Variants in CATSPER3 observed in about 807,000 individuals in gnomAD.
CATSPER3 encodes cation channel sperm associated 3.
A neutral mutation model predicts 36.6 loss-of-function variants in CATSPER3; 23 were observed. The observed-to-expected ratio is 0.63, with a 90% CI of 0.45 to 0.89. The LOEUF (loss-of-function observed/expected upper bound fraction) is 0.89, where lower values mean the gene tolerates loss of function less well. CATSPER3 is among the 40% of genes least tolerant of loss of function. CATSPER3 has a pLI of 0.00. For synonymous variants in CATSPER3, 172 were observed against 184.1 expected (o/e 0.93, Z 0.53); for missense variants, 474 against 503.9 (o/e 0.94, Z 0.57).
chr5:134,998,503 CCACAATGGTT>C (rs1751980300), intron 3 of CATSPER3, among the ~76,000 whole-genome samples: 4 of 152,230 alleles, frequency 2.6e-5, no homozygotes, highest in Non-Finnish European at 5.9e-5. Flanking sequence ...ACACTGTCTT[CCACAATGGTT>C]GAACTAGTTT....
At chr5:135,010,229 A>T (rs1427777868) in intron 6 of CATSPER3, 144 bp from the exon 7 acceptor site, 1 of 746,732 alleles carries the variant, frequency 1.3e-6, no homozygotes. Context: ...AGGGGTCAGG[A>T]TGAAGTTGTG....
At chr5:134,996,070 T>C (rs1751941428) in intron 2 of CATSPER3, among the ~76,000 whole-genome samples, 2 of 152,188 alleles carry the variant, frequency 1.3e-5, no homozygotes, top group East Asian at 1.9e-4. Flanking sequence ...GCCCCAGGTG[T>C]AGGGCCACGG....
rs746493339 is a variant in CATSPER3, at chr5:134,996,328, A to G, written c.308A>G (p.Tyr103Cys). The change falls in exon 3 of 8, where the codon TAT becomes TGT. Residue 103 changes from tyrosine to cysteine, a missense_variant. Physicochemically the swap from Tyr to Cys is radical, Grantham distance 194. Transcript: ENST00000282611. ...ACATCTGAGTTGTCCATGAAGGTCT[A>G]TGTGGACCCCATCAACTACTGGAAG... is the stretch of plus-strand genomic sequence containing the variant. ...ICTSELSMKV[Y>C]VDPINYWKNG... 10 of 1,613,984 alleles carry G rather than the reference A, an allele frequency of 6.2e-6. No individual in the cohort carries two copies. Among genetic ancestry groups the G allele is most frequent in the Admixed American group, 1.7e-5 (1 of 60,010 alleles).
intron 2 of CATSPER3, 34 bp from the exon 3 acceptor site, chr5:134,996,239 G>C (rs200883307): frequency 6.2e-7 from 1 of 1,613,890 alleles, no homozygotes; most frequent in East Asian, 2.2e-5. Context: ...TGTGCAGCTC[G>C]ATCTGACTTC....
intron 4 of CATSPER3, 78 bp downstream of exon 4, chr5:135,008,217 T>A: frequency 8.2e-7 from 1 of 1,222,890 alleles, no homozygotes; most frequent in Non-Finnish European, 1.2e-6. Context: ...TGTGGACATG[T>A]GGGGCCTCAC....
At chr5:134,995,050 A>G (rs1686580379) in intron 2 of CATSPER3, among the ~76,000 whole-genome samples, 2 of 147,710 alleles carry the variant, frequency 1.4e-5, no homozygotes, top group South Asian at 4.2e-4. Context: ...CTTCCAATAC[A>G]TATTAGATGT....
intron 2 of CATSPER3, among the ~76,000 whole-genome samples, chr5:134,986,619 G>T (rs993773222): frequency 2.0e-5 from 3 of 151,234 alleles, no homozygotes; most frequent in African/African-American, 4.9e-5. Flanking sequence ...ATGCCACCGC[G>T]CCCAGCTAAT....
At chr5:134,999,289 C>T (rs1402453087) in intron 3 of CATSPER3, among the ~76,000 whole-genome samples, 1 of 152,148 alleles carries the variant, frequency 6.6e-6, no homozygotes, top group Non-Finnish European at 1.5e-5. Context: ...GTTTTGGTAC[C>T]AGTACCATGC....
intron 2 of CATSPER3, among the ~76,000 whole-genome samples, chr5:134,974,346 G>A (rs1751643290): frequency 6.6e-6 from 1 of 152,156 alleles, no homozygotes; most frequent in Non-Finnish European, 1.5e-5. Context: ...ATGGCAAGAC[G>A]ACTTATTAGT....
chr5:134,988,097 G>A (rs1751833087), intron 2 of CATSPER3, among the ~76,000 whole-genome samples: 1 of 152,190 alleles, frequency 6.6e-6, no homozygotes, highest in South Asian at 2.1e-4. Context: ...ACATATAAAA[G>A]TTAAGGTTAC....
chr5:135,011,079 A>T (rs1752175057), intron 7 of CATSPER3, among the ~76,000 whole-genome samples: 1 of 152,234 alleles, frequency 6.6e-6, no homozygotes, highest in Non-Finnish European at 1.5e-5. Context: ...GGCTGTGGGC[A>T]TCAGGAGCTA....
At chr5:134,993,312 G>A (rs1751905979) in intron 2 of CATSPER3, among the ~76,000 whole-genome samples, 1 of 152,178 alleles carries the variant, frequency 6.6e-6, no homozygotes, top group Non-Finnish European at 1.5e-5. Context: ...GGGGAGAGGG[G>A]AATGAGAACT....
chr5:135,009,531 G>T (rs776774155), intron 6 of CATSPER3, 41 bp downstream of exon 6: 12 of 889,330 alleles, frequency 1.3e-5, no homozygotes. Context: ...TGGGTGGATG[G>T]ATCGTCAGGC....
Position 135,007,945 on chromosome 5 carries a change from C to A in CATSPER3, c.493-12C>A. ...TGGTACCCTCGCCTACCACAGTGTC[C>A]CTGCCTTGCAGACGCTGATCACCGC... On this transcript the variant is annotated splice_polypyrimidine_tract_variant and intron_variant, in intron 3 of 7. Transcript: ENST00000282611. The A allele has an allele frequency of 6.2e-7, 1 of 1,613,180 alleles. No individual in the cohort carries two copies. Among genetic ancestry groups the A allele is most frequent in the Non-Finnish European group, 8.5e-7 (1 of 1,179,764 alleles).
At chr5:135,007,785 T>G (rs557121306) in intron 3 of CATSPER3, among the ~76,000 whole-genome samples, 172 bp from the exon 4 acceptor site, 2 of 152,314 alleles carry the variant, frequency 1.3e-5, no homozygotes, top group South Asian at 4.1e-4. Context: ...ATTCGTTAGT[T>G]TATTCAACCA....
At chr5:135,009,265 C>T (rs1752145863) in intron 5 of CATSPER3, 106 bp from the exon 6 acceptor site, 1 of 1,239,262 alleles carries the variant, frequency 8.1e-7, no homozygotes, top group Admixed American at 1.7e-5. Flanking sequence ...GGGAAAAGTG[C>T]TCCTGCTGAG....
chr5:135,004,128 C>G (rs1198417670), intron 3 of CATSPER3, among the ~76,000 whole-genome samples: 1 of 152,210 alleles, frequency 6.6e-6, no homozygotes, highest in African/African-American at 2.4e-5. Context: ...GAGGGGTCCC[C>G]CACCCGCATT....
chr5:135,010,431 G>A lies in CATSPER3; in HGVS notation c.995G>A (p.Ser332Asn), dbSNP rs775375224. 5 of 1,613,768 alleles carry A rather than the reference G, an allele frequency of 3.1e-6. No individual in the cohort carries two copies. In the South Asian group the frequency reaches 3.3e-5, roughly 11 times the overall value. ...ELVENFKKTLSHTDPMVLDDF... is the reference protein window; with the variant it reads ...ELVENFKKTLNHTDPMVLDDF... Reference sequence around the variant, plus strand: ...GTGGAGAACTTTAAGAAGACCTTGAGCCACACTGACCCAATGGTCTTGGAT... The same window carrying A: ...GTGGAGAACTTTAAGAAGACCTTGAACCACACTGACCCAATGGTCTTGGAT... Residue 332 changes from serine (S) to asparagine (N), a missense_variant, in exon 7 of 8, where the codon AGC (serine) becomes AAC (asparagine). By Grantham distance (46) the Ser-to-Asn change is conservative (BLOSUM62 1). Transcript: ENST00000282611.
chr5:134,970,843 A>AT (rs1343523828), intron 2 of CATSPER3, among the ~76,000 whole-genome samples: 2 of 152,062 alleles, frequency 1.3e-5, no homozygotes, highest in Non-Finnish European at 2.9e-5. Context: ...AAGTGCTGGC[A>AT]TTACGGGCAT....
Sources: gnomAD v4.1 joint callset for allele counts (sites outside exome capture counted in the v4.1 genomes callset) on GRCh38, gnomAD v4.1.1 for gene constraint, MANE v1.5 for transcripts, NCBI Gene and HGNC (gene_info 2026-07-23, HGNC 2026-07-21) for gene names.